The following CSRNP3 variants were observed in gnomAD, a reference collection of about 807,000 sequenced individuals.
CSRNP3 encodes cysteine/serine-rich nuclear protein 3.
CSRNP3 carries 12 observed loss-of-function variants against 48.0 expected under a neutral mutation model. That is an observed-to-expected ratio of 0.25 (90% CI 0.16 to 0.41). CSRNP3 has a LOEUF of 0.41. Among genes scored for constraint, CSRNP3 ranks in the 10% least tolerant of loss-of-function variants. The pLI, the probability that CSRNP3 is intolerant of heterozygous loss-of-function variation, is 1.00. For synonymous variants in CSRNP3, 263 were observed against 269.7 expected, an observed-to-expected ratio of 0.98 and a Z score of 0.24; for missense variants, 580 against 724.4, an observed-to-expected ratio of 0.80 and a Z score of 2.29.
intron 4 of CSRNP3, among the ~76,000 whole-genome samples, chr2:165,603,629 C>A (rs987317619): frequency 6.6e-6 from 1 of 152,084 alleles, no homozygotes; most frequent in Non-Finnish European, 1.5e-5. Context: ...CCCATTATTT[C>A]AGTATTTTAT....
chr2:165,534,270 C>T (rs1684853538), intron 3 of CSRNP3, among the ~76,000 whole-genome samples: 1 of 151,922 alleles, frequency 6.6e-6, no homozygotes, highest in Non-Finnish European at 1.5e-5. Context: ...TACTACTTCC[C>T]ATTTTTTACT....
chr2:165,500,385 G>T (rs1454026475), intron 2 of CSRNP3, among the ~76,000 whole-genome samples: 5 of 145,736 alleles, frequency 3.4e-5, no homozygotes, highest in Non-Finnish European at 1.5e-5. Context: ...ATGCGTATAT[G>T]TATATATGTA....
chr2:165,554,904 C>T (rs143208443), intron 3 of CSRNP3, among the ~76,000 whole-genome samples: 81 of 152,288 alleles, frequency 5.3e-4, no homozygotes, highest in East Asian at 3.3e-3. Context: ...CTCACTTCCC[C>T]GATCACATCA....
chr2:165,689,006 C>G lies in CSRNP3; in HGVS notation c.*9253C>G, dbSNP rs1318633152. ...ATCAACTCCAGTCCACACATACAGT[C>G]ATGTTACATTAAGATGTCATGTTGT... is the stretch of plus-strand genomic sequence containing the variant. On this transcript the variant is annotated 3_prime_UTR_variant, in exon 7 of 7. Transcript: ENST00000651982. The G allele has an allele frequency of 1.3e-5, 2 of 152,050 alleles. No homozygotes were observed. Among genetic ancestry groups the G allele is most frequent in the African/African-American group, 2.4e-5 (1 of 41,424 alleles). 9.4% of individuals were successfully genotyped at this position (152,050 alleles called of 1,614,324 possible).
At chr2:165,571,584 C>T (rs768783221) in intron 3 of CSRNP3, among the ~76,000 whole-genome samples, 4 of 152,040 alleles carry the variant, frequency 2.6e-5, no homozygotes, top group Non-Finnish European at 5.9e-5. Context: ...TACTTGTTAA[C>T]ATTGAAATCA....
chr2:165,637,525 TCATGACCATTA>T (rs1441203643), intron 4 of CSRNP3, among the ~76,000 whole-genome samples: 2 of 152,210 alleles, frequency 1.3e-5, no homozygotes, highest in South Asian at 2.1e-4. Flanking sequence ...AGCGCCACAT[TCATGACCATTA>T]CTGAGTGGTT....
Position 165,679,120 on chromosome 2 carries a change from A to G in CSRNP3, c.1125A>G (p.Glu375=), listed in dbSNP as rs776296846. The G allele has an allele frequency of 2.2e-4, 357 of 1,613,596 alleles. No homozygotes were observed. The highest frequency in any genetic ancestry group is 2.9e-4 in the Non-Finnish European group (347 of 1,179,754). ...GTGAGTCAGACGAGGAGGAGGAGGA[A>G]GAAGAAGAGGAAGAGGAGGAGGAGG... is the stretch of plus-strand genomic sequence containing the variant. ...APSESDEEEE[E]EEEEEEEEDD... Residue 375 remains glutamate (E), a synonymous_variant, in exon 7 of 7, where the codon GAA becomes GAG. Transcript: ENST00000651982.
intron 3 of CSRNP3, among the ~76,000 whole-genome samples, chr2:165,550,564 C>A (rs891212519): frequency 3.3e-5 from 5 of 152,154 alleles, no homozygotes; most frequent in African/African-American, 1.2e-4. Context: ...TACGTTGTTC[C>A]TGTTGACAAC....
At chr2:165,541,522 T>C (rs201526697) in intron 3 of CSRNP3, among the ~76,000 whole-genome samples, 1 of 152,202 alleles carries the variant, frequency 6.6e-6, no homozygotes, top group East Asian at 1.9e-4. Flanking sequence ...CAAAGTTTTC[T>C]GCCCATTTAT....
intron 4 of CSRNP3, among the ~76,000 whole-genome samples, chr2:165,651,180 C>G (rs1259704227): frequency 6.6e-6 from 1 of 152,110 alleles, no homozygotes; most frequent in South Asian, 2.1e-4. Flanking sequence ...GCAGAGATGG[C>G]CAAACTCAAG....
intron 1 of CSRNP3, among the ~76,000 whole-genome samples, chr2:165,474,205 T>A (rs1000927061): frequency 1.3e-5 from 2 of 151,992 alleles, no homozygotes; most frequent in African/African-American, 4.8e-5. Flanking sequence ...TATATTTTTT[T>A]ATTTTATCAT....
chr2:165,622,860 A>G (rs62176878), intron 4 of CSRNP3, among the ~76,000 whole-genome samples: 47,654 of 152,038 alleles, frequency 0.31, 8,310 homozygotes, highest in South Asian at 0.47. Flanking sequence ...GAAGAAATAA[A>G]GATATTGGAG....
At chr2:165,496,851 T>C (rs530075265) in intron 2 of CSRNP3, among the ~76,000 whole-genome samples, 3 of 152,000 alleles carry the variant, frequency 2.0e-5, no homozygotes, top group Non-Finnish European at 4.4e-5. Flanking sequence ...AAGTTACAAA[T>C]TGGCTCTCTC....
chr2:165,481,488 CCCA>C (rs1684042428), intron 1 of CSRNP3, among the ~76,000 whole-genome samples: 2 of 152,128 alleles, frequency 1.3e-5, no homozygotes, highest in Non-Finnish European at 2.9e-5. Flanking sequence ...ATCACACCCA[CCCA>C]CCAAAAGAGC....
chr2:165,611,142 T>A (rs1686129042), intron 4 of CSRNP3, among the ~76,000 whole-genome samples: 1 of 152,038 alleles, frequency 6.6e-6, no homozygotes, highest in Non-Finnish European at 1.5e-5. Flanking sequence ...GAAGAGATAA[T>A]ACATTTGACT....
intron 2 of CSRNP3, among the ~76,000 whole-genome samples, chr2:165,513,464 C>G (rs1426536562): frequency 6.6e-6 from 1 of 152,124 alleles, no homozygotes; most frequent in African/African-American, 2.4e-5. Context: ...CCGACAGGAA[C>G]AGATTTATTC....
chr2:165,555,881 A>G (rs534954690), intron 3 of CSRNP3, among the ~76,000 whole-genome samples: 2 of 152,304 alleles, frequency 1.3e-5, no homozygotes, highest in African/African-American at 4.8e-5. Flanking sequence ...AAAACAATAT[A>G]GGATATGATC....
intron 4 of CSRNP3, among the ~76,000 whole-genome samples, chr2:165,609,322 G>T (rs1401049442): frequency 1.3e-5 from 2 of 151,068 alleles, no homozygotes; most frequent in South Asian, 2.1e-4. Flanking sequence ...AGCCGGGCAC[G>T]GTGGCGGGCG....
intron 1 of CSRNP3, among the ~76,000 whole-genome samples, chr2:165,471,307 C>CT (rs2105442155): frequency 6.6e-6 from 1 of 151,926 alleles, no homozygotes; most frequent in South Asian, 2.1e-4. Flanking sequence ...ATTGATGGAT[C>CT]TTTCCGATTT....
Sources: allele counts gnomAD v4.1 joint callset (sites outside exome capture counted in the v4.1 genomes callset), GRCh38; gene constraint gnomAD v4.1.1; transcripts MANE v1.5; gene names NCBI Gene and HGNC (gene_info 2026-07-23, HGNC 2026-07-21).